Variants in PCDHA5 observed in about 807,000 individuals in gnomAD.
The protein encoded by PCDHA5 is protocadherin alpha 5, also known as protocadherin alpha-5.
A neutral mutation model predicts 61.6 loss-of-function variants in PCDHA5; 43 were observed. The ratio of observed to expected loss-of-function variants is 0.70; its 90% CI spans 0.55 to 0.90. The LOEUF (loss-of-function observed/expected upper bound fraction) is 0.90. Among genes scored for constraint, PCDHA5 ranks in the 40% least tolerant of loss-of-function variants. The pLI, the probability that PCDHA5 is intolerant of heterozygous loss-of-function variation, is 0.00. For synonymous variants in PCDHA5, 627 were observed against 543.9 expected, an observed-to-expected ratio of 1.15 and a Z score of -2.13; for missense variants, 1,298 against 1,222.7, an observed-to-expected ratio of 1.06 and a Z score of -0.92.
At chr5:140,883,455 A>T in intron 1 of PCDHA5, 1 of 1,614,128 alleles carries the variant, frequency 6.2e-7, no homozygotes, top group East Asian at 2.2e-5. Flanking sequence ...GTCCCCTTCA[A>T]GCTGGTGTCC....
intron 1 of PCDHA5, 99 bp from the exon 2 acceptor site, chr5:140,978,850 G>T: frequency 6.3e-7 from 1 of 1,577,084 alleles, no homozygotes; most frequent in Non-Finnish European, 8.6e-7. Flanking sequence ...TTTTTTAGAT[G>T]CCTGGAAATA....
intron 1 of PCDHA5, chr5:140,842,473 G>A (rs2150336971): frequency 3.7e-6 from 6 of 1,613,820 alleles, no homozygotes; most frequent in Non-Finnish European, 3.4e-6. Flanking sequence ...CCAACGGGCA[G>A]GTGACCTGCT....
rs2150152042 is a variant in PCDHA5, at chr5:140,828,184, C to G, written c.2352+4057C>G. On this transcript the variant is annotated intron_variant, in intron 1 of 3. Transcript: ENST00000529859. ...CCTGGAAGGTGGGGAGCGGCCAGCT[C>G]CACTACTCCGTACCCGAGGAGGCCA... 6.4e-5 allele frequency: 104 copies of G among 1,614,162 alleles called. 2 individuals carry two copies. In the South Asian group the frequency reaches 1.1e-3, roughly 18 times the overall value.
At chr5:140,908,822 C>G (rs2074167872) in intron 1 of PCDHA5, among the ~76,000 whole-genome samples, 1 of 152,136 alleles carries the variant, frequency 6.6e-6, no homozygotes, top group African/African-American at 2.4e-5. Flanking sequence ...TTTTGGGTTA[C>G]TCGATAAATG....
Position 141,010,149 on chromosome 5 carries a change from C to T in PCDHA5, c.*212C>T. 6.3e-7 allele frequency: 1 copy of T among 1,580,088 alleles called. No individual in the cohort carries two copies. Among genetic ancestry groups the T allele is most frequent in the Non-Finnish European group, 8.6e-7 (1 of 1,161,942 alleles). On this transcript the variant is annotated 3_prime_UTR_variant, in exon 4 of 4. Transcript: ENST00000529859. ...GTCTGGTGTTAACTCTTTCTCTCCA[C>T]TCTGGCTTGTTTTCAGAACCTAAAA...
chr5:141,008,400 T>A (rs1347375750), intron 3 of PCDHA5, among the ~76,000 whole-genome samples: 3 of 152,082 alleles, frequency 2.0e-5, no homozygotes, highest in African/African-American at 7.2e-5. Context: ...GATGTCAGAG[T>A]TCCAATGTCA....
chr5:140,927,169 T>A, intron 1 of PCDHA5: 1 of 1,614,172 alleles, frequency 6.2e-7, no homozygotes, highest in Non-Finnish European at 8.5e-7. Context: ...CAAAGCTGCC[T>A]GCGTCTTGAC....
chr5:140,879,782 G>C (rs1372413289), intron 1 of PCDHA5, among the ~76,000 whole-genome samples: 1 of 152,178 alleles, frequency 6.6e-6, no homozygotes, highest in African/African-American at 2.4e-5. Flanking sequence ...GGAAGAATCT[G>C]GTTTTTGTTT....
At chr5:140,987,429 G>T (rs1402576200) in intron 3 of PCDHA5, among the ~76,000 whole-genome samples, 2 of 152,096 alleles carry the variant, frequency 1.3e-5, no homozygotes, top group Admixed American at 1.3e-4. Flanking sequence ...GAAGCAGGGG[G>T]CCTTTCCCCA....
chr5:140,911,455 C>G (rs1266220741), intron 1 of PCDHA5, among the ~76,000 whole-genome samples: 3 of 152,132 alleles, frequency 2.0e-5, no homozygotes, highest in African/African-American at 7.2e-5. Flanking sequence ...AGCTCTTTCT[C>G]TACAGGAGAT....
intron 1 of PCDHA5, among the ~76,000 whole-genome samples, chr5:140,978,477 G>A (rs1362771671): frequency 6.6e-6 from 1 of 152,342 alleles, no homozygotes; most frequent in African/African-American, 2.4e-5. Context: ...ATATGCTGCA[G>A]TCTGCAAAGC....
At chr5:140,903,873 A>G (rs1173905704) in intron 1 of PCDHA5, among the ~76,000 whole-genome samples, 2 of 152,204 alleles carry the variant, frequency 1.3e-5, no homozygotes, top group Non-Finnish European at 2.9e-5. Context: ...GTAAAATGAC[A>G]AAGACATTGA....
rs142105240 is a variant in PCDHA5, at chr5:140,882,817, A to G, written c.2352+58690A>G. The G allele has an allele frequency of 5.3e-5, 86 of 1,614,242 alleles. 1 individual carries two copies. The African/African-American group carries it at 9.9e-4, about 19-fold the overall frequency. The stretch of plus-strand genomic sequence containing the variant: ...ACGATTATTTCACTTTGGACGCACA[A>G]AACAGTCTTGAGCAAATGTCTTCAT... On this transcript the variant is annotated intron_variant, in intron 1 of 3. Transcript: ENST00000529859.
chr5:140,837,818 A>C (rs1775271725), intron 1 of PCDHA5, among the ~76,000 whole-genome samples: 1 of 151,624 alleles, frequency 6.6e-6, no homozygotes, highest in Admixed American at 6.6e-5. Flanking sequence ...CTGGGAATAC[A>C]GTTTGCATGT....
chr5:140,982,648 G>T, intron 3 of PCDHA5, 85 bp downstream of exon 3: 5 of 1,508,154 alleles, frequency 3.3e-6, no homozygotes, highest in Non-Finnish European at 4.4e-6. Flanking sequence ...GAATGTTGAT[G>T]GCTCTTTTTC....
At chr5:140,945,569 A>C (rs575302416) in intron 1 of PCDHA5, among the ~76,000 whole-genome samples, 2 of 152,256 alleles carry the variant, frequency 1.3e-5, no homozygotes, top group South Asian at 4.1e-4. Context: ...ACATCATACT[A>C]CCTGGCTTCA....
At position 140,850,924 on chromosome 5, in the gene PCDHA5, T is replaced by G. The variant is rs2150502629; in HGVS notation, c.2352+26797T>G. ...TCTAGCATTTTATTTATTTATATAA[T>G]TTTTTTTCTTGAAAGATATTATCGA... On this transcript the variant is annotated intron_variant, in intron 1 of 3. Transcript: ENST00000529859. 179 of 1,517,174 alleles carry G rather than the reference T, an allele frequency of 1.2e-4. 13 individuals carry two copies. The Admixed American group carries it at 3.8e-3, about 32-fold the overall frequency. The allele number at this position is 1,517,174 out of a possible 1,614,324, so 94.0% of individuals were successfully genotyped here. A position where few individuals can be genotyped will look rare whatever the true frequency, so the allele number is the denominator to read the frequency against.
chr5:140,857,763 C>T (rs782102895), intron 1 of PCDHA5: 4 of 1,597,078 alleles, frequency 2.5e-6, no homozygotes, highest in East Asian at 2.2e-5. Context: ...GCTGGCAGCG[C>T]GGGCGGTGCA....
intron 1 of PCDHA5, chr5:140,869,288 G>T (rs950790626): frequency 6.2e-7 from 1 of 1,613,578 alleles, no homozygotes; most frequent in East Asian, 2.2e-5. Context: ...CTGGTGCAGC[G>T]CCTGTTCCGG....
Sources: allele counts gnomAD v4.1 joint callset (sites outside exome capture counted in the v4.1 genomes callset), GRCh38; gene constraint gnomAD v4.1.1; transcripts MANE v1.5; gene names NCBI Gene and HGNC (gene_info 2026-07-23, HGNC 2026-07-21).